The following LAMB3 variants were observed in gnomAD, a reference collection of about 807,000 sequenced individuals.
LAMB3 encodes the protein laminin subunit beta 3, also known as laminin subunit beta-3.
Under a neutral mutation model 140.3 loss-of-function variants are expected in LAMB3, and 104 were observed. The observed-to-expected ratio is 0.74, with a 90% CI of 0.63 to 0.87. LAMB3 has a LOEUF of 0.87. Ranked by LOEUF, LAMB3 falls within the 40% of genes least tolerant of loss-of-function variation. LAMB3 has a pLI of 0.00. For synonymous variants in LAMB3, 592 were observed against 602.9 expected (o/e 0.98, Z 0.26); for missense variants, 1,531 against 1,575.2 (o/e 0.97, Z 0.47).
chr1:209,631,253 C>A (rs748386239), intron 8 of LAMB3, among the ~76,000 whole-genome samples: 2 of 152,218 alleles, frequency 1.3e-5, no homozygotes, highest in Non-Finnish European at 2.9e-5. Flanking sequence ...TTCAGCTTGG[C>A]ATTCAAGGAC....
At chr1:209,634,119 G>T (rs527440602) in intron 6 of LAMB3, among the ~76,000 whole-genome samples, 51 of 152,268 alleles carry the variant, frequency 3.3e-4, no homozygotes, top group African/African-American at 1.2e-3. Context: ...GCATCCCAAA[G>T]TCCTCATATC....
At chr1:209,630,283 T>C (rs887310497) in intron 9 of LAMB3, among the ~76,000 whole-genome samples, 5 of 152,168 alleles carry the variant, frequency 3.3e-5, no homozygotes, top group African/African-American at 1.2e-4. Flanking sequence ...AATCTCTGTT[T>C]TCCTCATTTA....
intron 18 of LAMB3, among the ~76,000 whole-genome samples, chr1:209,621,727 C>T (rs957774912): frequency 6.6e-6 from 1 of 152,176 alleles, no homozygotes; most frequent in Non-Finnish European, 1.5e-5. Context: ...CACGAGTCTC[C>T]CGGGTCCTGT....
intron 14 of LAMB3, among the ~76,000 whole-genome samples, chr1:209,625,238 G>C (rs536611404): frequency 6.6e-6 from 1 of 152,302 alleles, no homozygotes; most frequent in African/African-American, 2.4e-5. Context: ...GTGGGATGGG[G>C]GTGTGGGCGG....
intron 3 of LAMB3, among the ~76,000 whole-genome samples, chr1:209,639,245 T>A (rs1174762249): frequency 3.3e-5 from 5 of 152,174 alleles, no homozygotes; most frequent in African/African-American, 9.7e-5. Flanking sequence ...ACCCAGCAAA[T>A]GCTTATTTAG....
In LAMB3 at chr1:209,635,628, C is replaced by T. The variant is rs530546997; in HGVS notation, c.373-990G>A. 9.9e-5 allele frequency among the ~76,000 whole-genome samples: 15 copies of T among 152,048 alleles called. No homozygotes were observed. In the East Asian group the frequency reaches 2.9e-3, roughly 29 times the overall value. On this transcript the variant is annotated intron_variant, in intron 5 of 22. Transcript: ENST00000356082. ...ATGTTGGCCAGGCTGGTCTTGAACT[C>T]CTGACCTCAAGTGATCCACCCGCCT...
intron 14 of LAMB3, among the ~76,000 whole-genome samples, chr1:209,625,378 C>T (rs1666397978): frequency 6.6e-6 from 1 of 152,136 alleles, no homozygotes; most frequent in Non-Finnish European, 1.5e-5. Flanking sequence ...TAAAAGAACG[C>T]TGGGCTTGGG....
At position 209,616,490 on chromosome 1, in the gene LAMB3, C is replaced by T. The variant is rs780324954; in HGVS notation, c.3363G>A (p.Glu1121=). The change falls in exon 22 of 23, where the codon GAG becomes GAA. Residue 1121 remains glutamate (E), a synonymous_variant. Transcript: ENST00000356082. ...CCTCACCTTTCATCCTGTCCATCAT[C>T]TCCATGGTCTCCCCAAACAGCTCCT... ...EAEELFGETM[E]MMDRMKDMEL... 3 of 1,614,178 alleles carry T rather than the reference C, an allele frequency of 1.9e-6. No individual in the cohort carries two copies. The highest frequency in any genetic ancestry group is 1.6e-4 in the Middle Eastern group (1 of 6,062).
At chr1:209,617,336 T>C in intron 21 of LAMB3, 74 bp downstream of exon 21, 3 of 1,472,052 alleles carry the variant, frequency 2.0e-6, no homozygotes, top group Non-Finnish European at 2.8e-6. Flanking sequence ...TCTTATAAAG[T>C]GTGCAAAGTC....
At chr1:209,622,438 G>A in intron 18 of LAMB3, 98 bp downstream of exon 18, 1 of 1,438,212 alleles carries the variant, frequency 7.0e-7, no homozygotes, top group Non-Finnish European at 9.7e-7. Context: ...TTGCAGGCCT[G>A]GGACTAGGGA....
rs772602315 is a variant in LAMB3, at chr1:209,618,559, C to T, written c.2802G>A (p.Glu934=). The T allele has an allele frequency of 6.2e-7, 1 of 1,614,270 alleles. No homozygotes were observed. The highest frequency in any genetic ancestry group is 8.5e-7 in the Non-Finnish European group (1 of 1,180,052). ...GGAGCCTGGCTGCAATGGCCTGGAT[C>T]TCATTCATCTTCTGCAGAACAGTAG... ...DSATVLQKMN[E]IQAIAARLPN... The change falls in exon 19 of 23, where the codon GAG becomes GAA. Residue 934 remains glutamate, a synonymous_variant. Transcript: ENST00000356082.
intron 17 of LAMB3, 61 bp downstream of exon 17, chr1:209,622,921 C>A: frequency 6.3e-7 from 1 of 1,578,830 alleles, no homozygotes; most frequent in Non-Finnish European, 8.7e-7. Context: ...CTGACTTGCC[C>A]GGGGGATCTA....
At chr1:209,620,145 G>T (rs954870471) in intron 18 of LAMB3, among the ~76,000 whole-genome samples, 1 of 152,162 alleles carries the variant, frequency 6.6e-6, no homozygotes, top group South Asian at 2.1e-4. Context: ...ACATTCAGTC[G>T]CAGAGCCTTC....
At chr1:209,630,575 A>T (rs1173417715) in intron 9 of LAMB3, 40 bp downstream of exon 9, 1 of 1,613,458 alleles carries the variant, frequency 6.2e-7, no homozygotes, top group Admixed American at 1.7e-5. Flanking sequence ...CCAGCACTCG[A>T]CCCAGACCCT....
intron 3 of LAMB3, among the ~76,000 whole-genome samples, chr1:209,639,129 G>A (rs2076441059): frequency 6.6e-6 from 1 of 152,160 alleles, no homozygotes; most frequent in Non-Finnish European, 1.5e-5. Flanking sequence ...CTCCAAAAGA[G>A]GACAAGGAAA....
chr1:209,634,427 T>C lies in LAMB3; in HGVS notation c.564+20A>G. 3 of 1,612,304 alleles carry C rather than the reference T, an allele frequency of 1.9e-6. No individual in the cohort carries two copies. Among genetic ancestry groups the C allele is most frequent in the Non-Finnish European group, 2.5e-6 (3 of 1,178,368 alleles). On this transcript the variant is annotated intron_variant, in intron 6 of 22. Transcript: ENST00000356082. Reference sequence around the variant, plus strand: ...AGGGATTTCTCCCCAGGCCTACTTTTCAGGATTCCCTCTACCTACCTTCCC... The same window carrying C: ...AGGGATTTCTCCCCAGGCCTACTTTCCAGGATTCCCTCTACCTACCTTCCC...
chr1:209,630,860 G>T, intron 8 of LAMB3, 125 bp from the exon 9 acceptor site: 1 of 1,111,930 alleles, frequency 9.0e-7, no homozygotes, highest in Non-Finnish European at 1.3e-6. Flanking sequence ...AACCCTTCCA[G>T]GAAGCTTCCT....
chr1:209,619,758 G>T (rs951731765), intron 18 of LAMB3, among the ~76,000 whole-genome samples: 1 of 152,160 alleles, frequency 6.6e-6, no homozygotes, highest in African/African-American at 2.4e-5. Flanking sequence ...TGGGGCCCCA[G>T]GCCCAGTTTC....
intron 3 of LAMB3, among the ~76,000 whole-genome samples, chr1:209,642,631 A>C (rs552980477): frequency 1.8e-4 from 28 of 152,190 alleles, no homozygotes; most frequent in Admixed American, 1.3e-4. Flanking sequence ...GGCACATGCC[A>C]CTATGCCCAG....
Sources: allele counts gnomAD v4.1 joint callset (sites outside exome capture counted in the v4.1 genomes callset), GRCh38; gene constraint gnomAD v4.1.1; transcripts MANE v1.5; gene names NCBI Gene and HGNC (gene_info 2026-07-23, HGNC 2026-07-21).